Variants in ZFHX3 observed in about 807,000 individuals in gnomAD.
ZFHX3 encodes zinc finger homeobox protein 3.
Under a neutral mutation model 279.1 loss-of-function variants are expected in ZFHX3, and 42 were observed. The observed-to-expected ratio is 0.15, with a 90% CI of 0.12 to 0.19. ZFHX3 has a LOEUF of 0.19. ZFHX3 is among the 10% of genes least tolerant of loss of function. The pLI is 1.00. For missense variants in ZFHX3, 4,981 were observed against 4,754.0 expected (o/e 1.05, Z -1.40); for synonymous variants, 2,293 against 1,957.8 (o/e 1.17, Z -4.52).
chr16:73,712,027 G>A (rs547495853), intron 1 of ZFHX3, among the ~76,000 whole-genome samples: 8 of 152,326 alleles, frequency 5.3e-5, no homozygotes, highest in South Asian at 4.1e-4. Context: ...TGAAATCATC[G>A]AGTCACTGAA....
intron 1 of ZFHX3, among the ~76,000 whole-genome samples, chr16:73,834,937 A>T (rs1252151164): frequency 6.6e-6 from 1 of 152,088 alleles, no homozygotes; most frequent in African/African-American, 2.4e-5. Context: ...CATATACTCC[A>T]TTTAACAGTG....
intron 2 of ZFHX3, among the ~76,000 whole-genome samples, chr16:73,478,264 CAAAA>C (rs1162656010): frequency 3.2e-5 from 2 of 61,580 alleles, no homozygotes; most frequent in African/African-American, 1.2e-4. Flanking sequence ...GACTCCATCT[CAAAA>C]AAAAAAAAAA....
chr16:73,418,360 G>A (rs374472241), intron 3 of ZFHX3, among the ~76,000 whole-genome samples: 14 of 152,282 alleles, frequency 9.2e-5, no homozygotes, highest in African/African-American at 3.4e-4. Flanking sequence ...GAAGCTACCT[G>A]GCCCGATCAC....
chr16:73,626,629 T>C (rs377495207), intron 2 of ZFHX3, among the ~76,000 whole-genome samples: 174 of 152,308 alleles, frequency 1.1e-3, no homozygotes, highest in African/African-American at 4.0e-3. Flanking sequence ...TATTGACCTT[T>C]GCTGTCAGTA....
chr16:73,353,872 A>C (rs1459296620), intron 3 of ZFHX3, among the ~76,000 whole-genome samples: 1 of 152,356 alleles, frequency 6.6e-6, no homozygotes, highest in African/African-American at 2.4e-5. Context: ...AATAGTGTTC[A>C]TGATAACGAC....
chr16:73,820,815 G>C (rs1229631062), intron 1 of ZFHX3, among the ~76,000 whole-genome samples: 1 of 151,714 alleles, frequency 6.6e-6, no homozygotes, highest in Non-Finnish European at 1.5e-5. Flanking sequence ...TACTACCAAA[G>C]TTATTGAGAC....
At chr16:73,422,196 GA>G (rs757846797) in intron 3 of ZFHX3, among the ~76,000 whole-genome samples, 1 of 72,790 alleles carries the variant, frequency 1.4e-5, no homozygotes, top group Non-Finnish European at 3.5e-5. Context: ...GTTTTCAGAA[GA>G]TTTTTTTTTT....
intron 2 of ZFHX3, among the ~76,000 whole-genome samples, chr16:73,521,558 C>T (rs1168518417): frequency 2.6e-5 from 4 of 151,976 alleles, no homozygotes; most frequent in African/African-American, 7.3e-5. Flanking sequence ...TTGTTCTGTC[C>T]CCAAGCCCCA....
chr16:73,329,941 C>G (rs1393764870), intron 3 of ZFHX3, among the ~76,000 whole-genome samples: 1 of 152,164 alleles, frequency 6.6e-6, no homozygotes, highest in Admixed American at 6.5e-5. Context: ...TCAGTGGGCT[C>G]TTCTGGGACT....
intron 5 of ZFHX3, among the ~76,000 whole-genome samples, chr16:73,239,844 A>C (rs1235218321): frequency 6.6e-6 from 1 of 152,228 alleles, no homozygotes; most frequent in African/African-American, 2.4e-5. Context: ...TGTTATTTGC[A>C]GTAGTTATGC....
chr16:73,819,190 G>T (rs1041041418), intron 1 of ZFHX3, among the ~76,000 whole-genome samples: 3 of 151,862 alleles, frequency 2.0e-5, no homozygotes, highest in Non-Finnish European at 2.9e-5. Context: ...ATCTCCCAAT[G>T]GCAACGATAG....
intron 2 of ZFHX3, among the ~76,000 whole-genome samples, chr16:73,468,897 A>G (rs1364986937): frequency 1.3e-5 from 2 of 152,218 alleles, no homozygotes; most frequent in Admixed American, 6.5e-5. Flanking sequence ...GGCCTCTACC[A>G]CAATGGTCTC....
intron 3 of ZFHX3, among the ~76,000 whole-genome samples, chr16:73,435,024 G>T (rs1248251392): frequency 6.6e-6 from 1 of 152,146 alleles, no homozygotes; most frequent in African/African-American, 2.4e-5. Flanking sequence ...GTGATATTAT[G>T]ATGTTATTAG....
At chr16:73,525,536 G>A (rs2019676484) in intron 2 of ZFHX3, among the ~76,000 whole-genome samples, 1 of 152,146 alleles carries the variant, frequency 6.6e-6, no homozygotes, top group African/African-American at 2.4e-5. Context: ...ACTCCGCGTG[G>A]ACATCCAGTG....
intron 3 of ZFHX3, among the ~76,000 whole-genome samples, chr16:73,413,648 C>A (rs2017513571): frequency 6.6e-6 from 1 of 152,160 alleles, no homozygotes; most frequent in Non-Finnish European, 1.5e-5. Context: ...GATCTTGGTG[C>A]TGATGATGTC....
chr16:72,907,761 G>A (rs2144167543), intron 3 of ZFHX3, among the ~76,000 whole-genome samples: 1 of 150,556 alleles, frequency 6.6e-6, no homozygotes, highest in South Asian at 2.1e-4. Flanking sequence ...TCGGCTCACT[G>A]CTACCTCTGA....
intron 2 of ZFHX3, among the ~76,000 whole-genome samples, chr16:73,595,468 G>A (rs1026473224): frequency 7.2e-5 from 11 of 151,840 alleles, no homozygotes; most frequent in East Asian, 1.9e-4. Flanking sequence ...TTTTTTTCTC[G>A]TTTTTACCTT....
chr16:72,822,934 C>T (rs376735605), intron 5 of ZFHX3, among the ~76,000 whole-genome samples: 2 of 151,288 alleles, frequency 1.3e-5, no homozygotes, highest in African/African-American at 4.9e-5. Context: ...TTTGAATTAA[C>T]TGGAATTTGG....
At chr16:73,662,501 G>A (rs1245820602) in intron 2 of ZFHX3, among the ~76,000 whole-genome samples, 3 of 151,994 alleles carry the variant, frequency 2.0e-5, no homozygotes, top group Non-Finnish European at 1.5e-5. Context: ...CCCCTAGGAT[G>A]ATGTGGGAAC....
Sources: allele counts gnomAD v4.1 joint callset (sites outside exome capture counted in the v4.1 genomes callset), GRCh38; gene constraint gnomAD v4.1.1; transcripts MANE v1.5; gene names NCBI Gene and HGNC (gene_info 2026-07-23, HGNC 2026-07-21).